Variants in SKP2 observed in about 807,000 individuals in gnomAD.
SKP2 encodes S-phase kinase-associated protein 2.
A neutral mutation model predicts 51.8 loss-of-function variants in SKP2; 16 were observed. That is an observed-to-expected ratio of 0.31 (90% confidence interval 0.21 to 0.47). SKP2 has a LOEUF of 0.47. SKP2 is among the 20% of genes least tolerant of loss of function. The probability of loss-of-function intolerance (pLI) is 1.00; values close to 1 mark genes in which losing one functional copy is unlikely to be tolerated. For synonymous variants in SKP2, 176 were observed against 198.6 expected, an observed-to-expected ratio of 0.89 and a Z score of 0.96; for missense variants, 377 against 505.3, an observed-to-expected ratio of 0.75 and a Z score of 2.43.
rs1249330733 is a variant in SKP2, at chr5:36,182,542, G to C, written c.*511G>C. 1 of 985,112 alleles carries C rather than the reference G, an allele frequency of 1.0e-6. No individual in the cohort carries two copies. Among genetic ancestry groups the C allele is most frequent in the Non-Finnish European group, 1.2e-6 (1 of 829,750 alleles). 61.0% of individuals were successfully genotyped at this position (985,112 alleles called of 1,614,324 possible). On this transcript the variant is annotated 3_prime_UTR_variant, in exon 10 of 10. Transcript: ENST00000274255. Reference sequence around the variant, plus strand: ...GGCCATCTTTTCTAGGAATAGGAAAGAGAAAAATGTATTTGAATTTTGCCT... The same window carrying C: ...GGCCATCTTTTCTAGGAATAGGAAACAGAAAAATGTATTTGAATTTTGCCT...
intron 7 of SKP2, chr5:36,192,890 G>C (rs150479318): frequency 6.6e-6 from 1 of 152,322 alleles, no homozygotes; most frequent in Non-Finnish European, 1.5e-5. Context: ...AGAGGTAACA[G>C]TGGAGTAATT....
intron 5 of SKP2, 98 bp downstream of exon 5, chr5:36,168,545 T>A: frequency 8.6e-7 from 1 of 1,162,732 alleles, no homozygotes; most frequent in Non-Finnish European, 1.3e-6. Context: ...CATATCCAGG[T>A]GGATACAGAA....
At position 36,163,759 on chromosome 5, in the gene SKP2, A is replaced by G; in HGVS notation, c.392+3A>G. On this transcript the variant is annotated splice_donor_region_variant and intron_variant, in intron 3 of 9. Coordinates refer to ENST00000274255, the MANE Select transcript of SKP2 (RefSeq NM_005983.4). ...TGTAAGAGGTGGTATCGCCTAGCGT[A>G]AGTATTTTTCACCCCTTTGGCAAAC... 6.3e-7 allele frequency: 1 copy of G among 1,593,584 alleles called. No individual in the cohort carries two copies. Among genetic ancestry groups the G allele is most frequent in the Non-Finnish European group, 8.6e-7 (1 of 1,161,208 alleles).
At chr5:36,169,818 T>C (rs762599630) in intron 5 of SKP2, among the ~76,000 whole-genome samples, 1 of 152,230 alleles carries the variant, frequency 6.6e-6, no homozygotes, top group Non-Finnish European at 1.5e-5. Flanking sequence ...AGGGTCACAT[T>C]GTTAGTAGGT....
In SKP2 at chr5:36,152,774, G is replaced by A; in HGVS notation, c.12G>A (p.Lys4=). The change falls in exon 2 of 10, where the codon AAG becomes AAA. Residue 4 remains lysine (K), a synonymous_variant. Transcript: ENST00000274255. Reference sequence around the variant, plus strand: ...GGGGTATTGTGCACTTCTGCAGGAAGCACCTCCAGGAGATTCCAGACCTGA... The same window carrying A: ...GGGGTATTGTGCACTTCTGCAGGAAACACCTCCAGGAGATTCCAGACCTGA... MHR[K]HLQEIPDLSS... 1.7e-5 allele frequency: 28 copies of A among 1,613,072 alleles called. No individual in the cohort carries two copies. Among genetic ancestry groups the A allele is most frequent in the Non-Finnish European group, 2.4e-5 (28 of 1,179,770 alleles).
chr5:36,182,155 T>G lies in SKP2; in HGVS notation c.*124T>G. The G allele has an allele frequency of 5.5e-6, 8 of 1,447,916 alleles. No homozygotes were observed. In the South Asian group the frequency reaches 1.2e-4, roughly 22 times the overall value. 89.7% of individuals were successfully genotyped at this position (1,447,916 alleles called of 1,614,324 possible). Reference sequence around the variant, plus strand: ...CTTTGCCTTCATTCTGCAAGTATACTAGGGAGCCATTTGAGAGGGAAAACT... The same window carrying G: ...CTTTGCCTTCATTCTGCAAGTATACGAGGGAGCCATTTGAGAGGGAAAACT... On this transcript the variant is annotated 3_prime_UTR_variant, in exon 10 of 10. Transcript: ENST00000274255.
chr5:36,189,987 G>C (rs1316606578), intron 6 of SKP2, among the ~76,000 whole-genome samples: 1 of 152,184 alleles, frequency 6.6e-6, no homozygotes, highest in Non-Finnish European at 1.5e-5. Flanking sequence ...CTAGCAGTGA[G>C]CGAGGCTCCA....
downstream of SKP2, among the ~76,000 whole-genome samples, chr5:36,186,285 CTA>C (rs1745954916): frequency 6.6e-6 from 1 of 152,196 alleles, no homozygotes; most frequent in African/African-American, 2.4e-5. Flanking sequence ...ACTTCCAACA[CTA>C]TGTTGAATAG....
At position 36,156,246 on chromosome 5, in the gene SKP2, G is replaced by A. The variant is rs62353825; in HGVS notation, c.280+3204G>A. On this transcript the variant is annotated intron_variant, in intron 2 of 9. Transcript: ENST00000274255. ...CAGCTGGTATAGAGGATTCCCAATG[G>A]GCCTTTGGAAGCCTGGGCCTCCAGT... Among the ~76,000 whole-genome samples, 100 of 152,236 alleles carry A rather than the reference G, an allele frequency of 6.6e-4. 1 individual carries two copies. The East Asian group carries it at 0.015, about 23-fold the overall frequency.
chr5:36,163,601 G>C, intron 2 of SKP2, 44 bp from the exon 3 acceptor site: 1 of 1,178,426 alleles, frequency 8.5e-7, no homozygotes, highest in Non-Finnish European at 1.3e-6. Context: ...AGACTTGATA[G>C]GGTGAAAGAA....
In SKP2 at chr5:36,182,539, A is replaced by C. The variant is rs986876329; in HGVS notation, c.*508A>C. On this transcript the variant is annotated 3_prime_UTR_variant, in exon 10 of 10. Transcript: ENST00000274255. ...TGAGGCCATCTTTTCTAGGAATAGGAAAGAGAAAAATGTATTTGAATTTTG... is the reference window on the plus strand; with the variant it reads ...TGAGGCCATCTTTTCTAGGAATAGGCAAGAGAAAAATGTATTTGAATTTTG... 1.1e-5 allele frequency: 11 copies of C among 985,354 alleles called. No homozygotes were observed. The highest frequency in any genetic ancestry group is 1.3e-5 in the Non-Finnish European group (11 of 829,826). The allele number at this position is 985,354 out of a possible 1,614,324, so 61.0% of individuals were successfully genotyped here. A position where few individuals can be genotyped will look rare whatever the true frequency, so the allele number is the denominator to read the frequency against.
At chr5:36,185,334 C>T (rs1445617821), downstream of SKP2, among the ~76,000 whole-genome samples, 2 of 152,128 alleles carry the variant, frequency 1.3e-5, no homozygotes, top group South Asian at 2.1e-4. Context: ...AGTCCTTGCC[C>T]ATGCCTATGT....
At chr5:36,168,210 G>A (rs996315980) in intron 4 of SKP2, 103 bp from the exon 5 acceptor site, 44 of 1,054,044 alleles carry the variant, frequency 4.2e-5, no homozygotes, top group Non-Finnish European at 5.8e-5. Flanking sequence ...TTAGAGTCTT[G>A]TTTGTGATTG....
intron 7 of SKP2, among the ~76,000 whole-genome samples, chr5:36,176,505 T>C (rs952374137): frequency 1.3e-5 from 2 of 151,568 alleles, no homozygotes; most frequent in African/African-American, 2.4e-5. Context: ...TTAGAACTTA[T>C]TATGTGGAAT....
chr5:36,191,045 G>A (rs184026790), intron 6 of SKP2, among the ~76,000 whole-genome samples: 1 of 152,144 alleles, frequency 6.6e-6, no homozygotes, highest in African/African-American at 2.4e-5. Flanking sequence ...TTCTTTCCTT[G>A]TAATTTATTT....
At chr5:36,153,213 G>GATATAGATATATATATAT (rs1744809135) in intron 2 of SKP2, among the ~76,000 whole-genome samples, 171 bp downstream of exon 2, 1 of 147,562 alleles carries the variant, frequency 6.8e-6, no homozygotes, top group African/African-American at 2.5e-5. Context: ...AATCTTGGTA[G>GATATAGATATATATATAT]ATATATATAT....
At chr5:36,168,250 G>A (rs2111980177) in intron 4 of SKP2, 63 bp from the exon 5 acceptor site, 2 of 1,547,014 alleles carry the variant, frequency 1.3e-6, no homozygotes, top group Middle Eastern at 1.9e-4. Flanking sequence ...GAGGGGTCTG[G>A]TTTGAAATTG....
downstream of SKP2, among the ~76,000 whole-genome samples, chr5:36,187,850 T>C (rs929707522): frequency 6.6e-6 from 1 of 152,136 alleles, no homozygotes; most frequent in Admixed American, 6.5e-5. Flanking sequence ...AAGTCTCCCA[T>C]TATTATTGTG....
chr5:36,157,665 G>C (rs1201053670), intron 2 of SKP2, among the ~76,000 whole-genome samples: 4 of 152,122 alleles, frequency 2.6e-5, no homozygotes, highest in Non-Finnish European at 5.9e-5. Flanking sequence ...CTCCCTGAAA[G>C]AAATGCACAC....
Sources: gnomAD v4.1 joint callset for allele counts (sites outside exome capture counted in the v4.1 genomes callset) on GRCh38, gnomAD v4.1.1 for gene constraint, MANE v1.5 for transcripts, NCBI Gene and HGNC (gene_info 2026-07-23, HGNC 2026-07-21) for gene names.